The following KCNT2 variants were observed in gnomAD, a reference collection of about 807,000 sequenced individuals.
The protein encoded by KCNT2 is potassium channel subfamily T member 2.
KCNT2 carries 67 observed loss-of-function variants against 153.8 expected under a neutral mutation model. That is an observed-to-expected ratio of 0.44 (90% CI 0.36 to 0.53). The LOEUF is 0.53. KCNT2 is among the 20% of genes least tolerant of loss of function. The probability of loss-of-function intolerance (pLI) is 0.00; values close to 1 mark genes in which losing one functional copy is unlikely to be tolerated. For missense variants in KCNT2, 975 were observed against 1,354.8 expected (o/e 0.72, Z 4.40); for synonymous variants, 500 against 458.8 (o/e 1.09, Z -1.15).
At chr1:196,444,945 G>A (rs1271959298) in intron 8 of KCNT2, among the ~76,000 whole-genome samples, 1 of 151,276 alleles carries the variant, frequency 6.6e-6, no homozygotes, top group Non-Finnish European at 1.5e-5. Context: ...GCTCTAACCA[G>A]AGCAAATAAT....
chr1:196,567,509 T>C lies in KCNT2; in HGVS notation c.95+40706A>G, dbSNP rs143661550. On this transcript the variant is annotated intron_variant, in intron 1 of 27. Transcript: ENST00000294725. ...TAGAAACAGGATGGATAACTGATGG[T>C]TGGGATCCATCAGGAAGTACAAAAG... 1.1e-4 allele frequency among the ~76,000 whole-genome samples: 17 copies of C among 152,266 alleles called. No individual in the cohort carries two copies. The East Asian group carries it at 1.9e-3, about 17-fold the overall frequency.
chr1:196,472,427 T>C (rs1262747421), intron 5 of KCNT2, among the ~76,000 whole-genome samples: 1 of 152,186 alleles, frequency 6.6e-6, no homozygotes, highest in African/African-American at 2.4e-5. Context: ...CTTGTTTCTA[T>C]ACCCATGTTA....
intron 4 of KCNT2, among the ~76,000 whole-genome samples, chr1:196,481,826 T>C (rs1679044839): frequency 1.3e-5 from 2 of 152,202 alleles, no homozygotes; most frequent in Non-Finnish European, 2.9e-5. Flanking sequence ...TTTTATGCTA[T>C]GGCATACTTT....
At chr1:196,582,349 T>C (rs190269700) in intron 1 of KCNT2, 55 of 153,610 alleles carry the variant, frequency 3.6e-4, no homozygotes, top group South Asian at 1.2e-3. Context: ...AGTAATGTTA[T>C]ATGCATGTTC....
chr1:196,365,447 G>C (rs901633706), intron 14 of KCNT2, among the ~76,000 whole-genome samples: 11 of 151,836 alleles, frequency 7.2e-5, no homozygotes, highest in Non-Finnish European at 2.9e-5. Flanking sequence ...AAAATAAAAA[G>C]GTTCAACATT....
intron 14 of KCNT2, among the ~76,000 whole-genome samples, chr1:196,362,080 T>C (rs771611141): frequency 1.3e-5 from 2 of 152,116 alleles, no homozygotes; most frequent in Non-Finnish European, 2.9e-5. Flanking sequence ...CCAAGGGAAC[T>C]AAAAATAGTT....
chr1:196,563,405 T>G, intron 1 of KCNT2, among the ~76,000 whole-genome samples: 1 of 145,200 alleles, frequency 6.9e-6, no homozygotes, highest in African/African-American at 2.6e-5. Context: ...TTCAAAGAAG[T>G]GGTATTCATC....
rs528328559 is a variant in KCNT2 at position 196,479,796 on chromosome 1, C to T, written c.325-558G>A. Among the ~76,000 whole-genome samples the T allele has an allele frequency of 4.5e-4, 69 of 152,272 alleles. No individual in the cohort carries two copies. In the South Asian group the frequency reaches 6.4e-3, roughly 14 times the overall value. On this transcript the variant is annotated intron_variant, in intron 4 of 27. Transcript: ENST00000294725. ...TATCCCAGAAGCATGACCATCTGTACCAAAATCAGTATTTCTCTTCAGAAA... is the reference window on the plus strand; with the variant it reads ...TATCCCAGAAGCATGACCATCTGTATCAAAATCAGTATTTCTCTTCAGAAA...
chr1:196,549,106 T>C (rs1432107651), intron 1 of KCNT2, among the ~76,000 whole-genome samples: 2 of 152,080 alleles, frequency 1.3e-5, no homozygotes, highest in African/African-American at 4.8e-5. Context: ...TATACATATG[T>C]AACTAACCTG....
chr1:196,290,088 G>GT (rs943607606), intron 22 of KCNT2, among the ~76,000 whole-genome samples: 3 of 151,178 alleles, frequency 2.0e-5, no homozygotes, highest in Non-Finnish European at 4.4e-5. Context: ...AGTGTGGGAG[G>GT]TAAAAAAAAA....
intron 1 of KCNT2, among the ~76,000 whole-genome samples, chr1:196,503,449 A>G (rs1409833089): frequency 1.3e-5 from 2 of 152,170 alleles, no homozygotes; most frequent in African/African-American, 4.8e-5. Context: ...AAAACTCTTC[A>G]TAACTACAAC....
intron 1 of KCNT2, among the ~76,000 whole-genome samples, chr1:196,541,332 T>C (rs1656338131): frequency 6.6e-6 from 1 of 151,936 alleles, no homozygotes; most frequent in African/African-American, 2.4e-5. Flanking sequence ...TGCTACAGAG[T>C]GAGGTCAGGA....
chr1:196,577,725 G>A (rs113692478), intron 1 of KCNT2, among the ~76,000 whole-genome samples: 8,769 of 152,096 alleles, frequency 0.058, 392 homozygotes, highest in Non-Finnish European at 0.085. Context: ...TCAGTGATGG[G>A]GAATAAGTCC....
In KCNT2 at chr1:196,588,929, TGAA is replaced by T. The variant is rs370123357; in HGVS notation, c.95+19283_95+19285del. The stretch of plus-strand genomic sequence containing the variant: ...TAAATGAAAGAATTTATTTAGTAAA[TGAA>T]GAATTTATTTTAATAAAATCATCAG... On this transcript the variant is annotated intron_variant, in intron 1 of 27. Coordinates refer to ENST00000294725, the MANE Select transcript of KCNT2 (RefSeq NM_198503.5). Among the ~76,000 whole-genome samples, 205 of 152,018 alleles carry T rather than the reference TGAA, an allele frequency of 1.3e-3. No homozygotes were observed. In the East Asian group the frequency reaches 0.015, roughly 11 times the overall value.
intron 1 of KCNT2, among the ~76,000 whole-genome samples, chr1:196,575,408 A>G (rs947813113): frequency 1.3e-5 from 2 of 152,082 alleles, no homozygotes; most frequent in African/African-American, 2.4e-5. Context: ...AAATGTCCAT[A>G]GCGCTAAACT....
intron 12 of KCNT2, among the ~76,000 whole-genome samples, chr1:196,413,829 G>A (rs1048610716): frequency 1.3e-5 from 2 of 151,444 alleles, no homozygotes; most frequent in African/African-American, 4.8e-5. Context: ...AATTCCACAG[G>A]AGAGTATTTG....
At chr1:196,406,756 G>GA (rs36030077) in intron 12 of KCNT2, among the ~76,000 whole-genome samples, 4 of 151,326 alleles carry the variant, frequency 2.6e-5, no homozygotes, top group Non-Finnish European at 4.4e-5. Flanking sequence ...CTAGTTTTAG[G>GA]AAAAAAAGTC....
intron 14 of KCNT2, among the ~76,000 whole-genome samples, chr1:196,353,451 C>A (rs113552320): frequency 8.6e-5 from 13 of 151,916 alleles, no homozygotes; most frequent in Admixed American, 7.2e-4. Context: ...AATCACCAAA[C>A]CTGGGGCAAC....
intron 1 of KCNT2, among the ~76,000 whole-genome samples, chr1:196,561,675 A>AAAAAAAAAAAAAAAAAAAAAAAAAAAAAG (rs1553254846): frequency 2.7e-5 from 1 of 36,472 alleles, no homozygotes; most frequent in African/African-American, 4.2e-5. Context: ...AAAAAAAAAA[A>AAAAAAAAAAAAAAAAAAAAAAAAAAAAAG]AAGAAGAAGA....
Sources: allele counts gnomAD v4.1 joint callset (sites outside exome capture counted in the v4.1 genomes callset), GRCh38; gene constraint gnomAD v4.1.1; transcripts MANE v1.5; gene names NCBI Gene and HGNC (gene_info 2026-07-23, HGNC 2026-07-21).